TDRD3: variants seen among roughly 807,000 people sequenced by gnomAD.
TDRD3 encodes tudor domain-containing protein 3.
A neutral mutation model predicts 86.7 loss-of-function variants in TDRD3; 45 were observed. The observed-to-expected ratio is 0.52, with a 90% CI of 0.41 to 0.67. The LOEUF is 0.67. Ranked by LOEUF, TDRD3 falls within the 30% of genes least tolerant of loss-of-function variation. The pLI is 0.00. For synonymous variants in TDRD3, 298 were observed against 301.7 expected (o/e 0.99, Z 0.13); for missense variants, 814 against 889.0 (o/e 0.92, Z 1.07).
At chr13:60,415,865 A>T (rs1349614745) in intron 1 of TDRD3, among the ~76,000 whole-genome samples, 7 of 152,104 alleles carry the variant, frequency 4.6e-5, no homozygotes, top group Admixed American at 3.9e-4. Flanking sequence ...AGCAAAGACA[A>T]TTTACGGAAA....
At chr13:60,473,820 C>G (rs116582202) in intron 5 of TDRD3, among the ~76,000 whole-genome samples, 51 of 152,288 alleles carry the variant, frequency 3.3e-4, no homozygotes, top group African/African-American at 1.2e-3. Flanking sequence ...CTAGCAGTAA[C>G]GCCCTCGCCT....
chr13:60,472,964 A>G (rs949312819), intron 5 of TDRD3, among the ~76,000 whole-genome samples: 8 of 152,198 alleles, frequency 5.3e-5, no homozygotes, highest in African/African-American at 1.9e-4. Flanking sequence ...TAATTCTACT[A>G]TCTTGCTATT....
intron 2 of TDRD3, among the ~76,000 whole-genome samples, chr13:60,443,086 A>T (rs1003546115): frequency 2.0e-5 from 3 of 152,010 alleles, no homozygotes; most frequent in Admixed American, 1.3e-4. Context: ...CATTATTGAT[A>T]TGATGGTTAT....
chr13:60,552,246 G>A (rs1263383209), intron 12 of TDRD3, among the ~76,000 whole-genome samples: 1 of 152,190 alleles, frequency 6.6e-6, no homozygotes, highest in Non-Finnish European at 1.5e-5. Flanking sequence ...ACAGGCATTG[G>A]GTAAATGTTC....
intron 1 of TDRD3, among the ~76,000 whole-genome samples, chr13:60,419,800 A>T (rs949755870): frequency 2.7e-5 from 4 of 149,616 alleles, no homozygotes; most frequent in African/African-American, 9.8e-5. Context: ...AAAGTAAAAT[A>T]AAAAAAAAAG....
chr13:60,417,198 A>G (rs1954542638), intron 1 of TDRD3, among the ~76,000 whole-genome samples: 3 of 151,628 alleles, frequency 2.0e-5, no homozygotes. Context: ...TTATTTTAGT[A>G]GAGATGGGCT....
intron 1 of TDRD3, among the ~76,000 whole-genome samples, chr13:60,417,848 A>T (rs1208983441): frequency 6.6e-6 from 1 of 151,952 alleles, no homozygotes; most frequent in African/African-American, 2.4e-5. Flanking sequence ...GAGGTGGTAC[A>T]CTCATCTCAC....
intron 1 of TDRD3, among the ~76,000 whole-genome samples, chr13:60,414,753 G>T (rs922102016): frequency 1.3e-4 from 20 of 152,082 alleles, no homozygotes; most frequent in Non-Finnish European, 2.6e-4. Flanking sequence ...GTTTTGAAAT[G>T]GTCTACTAAT....
chr13:60,540,645 A>G (rs1825129970), intron 12 of TDRD3, among the ~76,000 whole-genome samples: 1 of 152,200 alleles, frequency 6.6e-6, no homozygotes, highest in African/African-American at 2.4e-5. Context: ...ATATTATTCA[A>G]TGGGGACATT....
chr13:60,472,469 C>T (rs1477781431), intron 5 of TDRD3, among the ~76,000 whole-genome samples: 2 of 152,106 alleles, frequency 1.3e-5, no homozygotes, highest in Non-Finnish European at 2.9e-5. Flanking sequence ...ATTACAATGT[C>T]TACTGTAAAA....
intron 12 of TDRD3, chr13:60,538,137 A>T (rs1425131928): frequency 6.6e-6 from 1 of 152,070 alleles, no homozygotes; most frequent in African/African-American, 2.4e-5. Flanking sequence ...TATTTGCCTT[A>T]AATTTGTCAG....
intron 8 of TDRD3, among the ~76,000 whole-genome samples, chr13:60,508,285 G>C (rs1278033778): frequency 6.6e-6 from 1 of 151,966 alleles, no homozygotes; most frequent in African/African-American, 2.4e-5. Flanking sequence ...TTTCAGATGG[G>C]ACCAAAAAGG....
At chr13:60,489,016 C>T (rs950905634) in intron 7 of TDRD3, among the ~76,000 whole-genome samples, 8 of 152,102 alleles carry the variant, frequency 5.3e-5, no homozygotes, top group Non-Finnish European at 8.8e-5. Flanking sequence ...TCTCTTCACT[C>T]TGTTGATTGA....
At chr13:60,526,244 TAGTTTACCTCTCTC>T (rs369079194) in intron 10 of TDRD3, among the ~76,000 whole-genome samples, 1 of 152,180 alleles carries the variant, frequency 6.6e-6, no homozygotes, top group African/African-American at 2.4e-5. Flanking sequence ...CAAGGGACCT[TAGTTTACCTCTCTC>T]TGTTAAGCCT....
intron 8 of TDRD3, among the ~76,000 whole-genome samples, chr13:60,498,948 G>A (rs147114257): frequency 2.1e-3 from 313 of 152,176 alleles, no homozygotes; most frequent in Middle Eastern, 0.01. Context: ...CAGTGGGTAC[G>A]CGGACTCATC....
chr13:60,535,573 A>T (rs1484679601), intron 12 of TDRD3: 2 of 159,140 alleles, frequency 1.3e-5, no homozygotes, highest in African/African-American at 4.8e-5. Context: ...TTACTAAATT[A>T]TGTCCAGCAG....
intron 5 of TDRD3, among the ~76,000 whole-genome samples, chr13:60,477,772 C>G (rs1409238725): frequency 6.6e-6 from 1 of 152,104 alleles, no homozygotes; most frequent in Non-Finnish European, 1.5e-5. Flanking sequence ...GATTAGTTTG[C>G]TAGTATTTTA....
At chr13:60,501,885 T>C (rs1956841399) in intron 8 of TDRD3, among the ~76,000 whole-genome samples, 1 of 152,202 alleles carries the variant, frequency 6.6e-6, no homozygotes, top group East Asian at 1.9e-4. Context: ...ATAGTAAAAT[T>C]TTTATGCTTC....
At chr13:60,428,091 T>C (rs1372092134) in intron 1 of TDRD3, among the ~76,000 whole-genome samples, 1 of 152,020 alleles carries the variant, frequency 6.6e-6, no homozygotes, top group Non-Finnish European at 1.5e-5. Context: ...TGAGGCATCA[T>C]CAGTCCAGTT....
Sources: allele counts gnomAD v4.1 joint callset (sites outside exome capture counted in the v4.1 genomes callset), GRCh38; gene constraint gnomAD v4.1.1; transcripts MANE v1.5; gene names NCBI Gene and HGNC (gene_info 2026-07-23, HGNC 2026-07-21).